Variants in GTF2A1L observed in about 807,000 individuals in gnomAD.
GTF2A1L encodes TFIIA-alpha and beta-like factor.
In GTF2A1L, 48 loss-of-function variants were observed where a neutral mutation model predicts 49.7. The ratio of observed to expected loss-of-function variants is 0.97; its 90% confidence interval spans 0.77 to 1.23. GTF2A1L has a LOEUF of 1.23. Ranked by LOEUF, GTF2A1L falls within the 50% of genes most tolerant of loss-of-function variation. The pLI is 0.00. For missense variants in GTF2A1L, 736 were observed against 564.8 expected (o/e 1.30, Z -3.07); for synonymous variants, 246 against 193.5 (o/e 1.27, Z -2.25).
intron 6 of GTF2A1L, among the ~76,000 whole-genome samples, chr2:48,651,065 C>A (rs1572739510): frequency 6.6e-6 from 1 of 152,194 alleles, no homozygotes; most frequent in East Asian, 1.9e-4. Flanking sequence ...AGACTGGAAG[C>A]TGGATTTGGC....
intron 3 of GTF2A1L, 132 bp from the exon 4 acceptor site, chr2:48,642,270 C>A: frequency 1.2e-6 from 1 of 841,232 alleles, no homozygotes; most frequent in Non-Finnish European, 1.7e-6. Context: ...CACTTGGAAT[C>A]AGGAAGTTTA....
intron 1 of GTF2A1L, among the ~76,000 whole-genome samples, chr2:48,619,548 A>C (rs1675860694): frequency 1.3e-5 from 2 of 152,084 alleles, no homozygotes; most frequent in Non-Finnish European, 2.9e-5. Context: ...AGGAGTATTT[A>C]TTTAGTACTC....
chr2:48,637,556 T>C (rs182696527), intron 3 of GTF2A1L, among the ~76,000 whole-genome samples: 1 of 151,740 alleles, frequency 6.6e-6, no homozygotes, highest in Non-Finnish European at 1.5e-5. Flanking sequence ...AACATCACAA[T>C]TGAAAGAATC....
rs1430996565 is a variant in GTF2A1L at position 48,626,536 on chromosome 2, C to T, written c.247+5246C>T. Among the ~76,000 whole-genome samples, 3 of 142,970 alleles carry T rather than the reference C, an allele frequency of 2.1e-5. 1 individual carries two copies. In the Admixed American group the frequency reaches 2.1e-4, roughly 10 times the overall value. 93.8% of individuals were successfully genotyped at this position (142,970 alleles called of 152,430 possible). ...GGGTATTTTCCCATTTATTTGTGTCCTTCAGTTTCTTATATCAATGTTTTA... is the reference window on the plus strand; with the variant it reads ...GGGTATTTTCCCATTTATTTGTGTCTTTCAGTTTCTTATATCAATGTTTTA... On this transcript the variant is annotated intron_variant, in intron 3 of 8. Transcript: ENST00000403751.
chr2:48,624,935 C>T (rs1185937758), intron 3 of GTF2A1L, among the ~76,000 whole-genome samples: 1 of 143,834 alleles, frequency 7.0e-6, no homozygotes, highest in East Asian at 1.9e-4. Flanking sequence ...TACAGACATA[C>T]CACAATTTCT....
At chr2:48,656,431 T>A (rs1191836517) in intron 6 of GTF2A1L, among the ~76,000 whole-genome samples, 1 of 151,646 alleles carries the variant, frequency 6.6e-6, no homozygotes, top group Non-Finnish European at 1.5e-5. Context: ...TTGATATGTA[T>A]TTCCCTAATA....
chr2:48,641,062 A>G (rs533616446), intron 3 of GTF2A1L, among the ~76,000 whole-genome samples: 4 of 152,274 alleles, frequency 2.6e-5, no homozygotes, highest in South Asian at 2.1e-4. Context: ...ATTTATTGCA[A>G]GGTACCTAAA....
chr2:48,641,545 T>C (rs539972368), intron 3 of GTF2A1L, among the ~76,000 whole-genome samples: 1 of 152,326 alleles, frequency 6.6e-6, no homozygotes, highest in Non-Finnish European at 1.5e-5. Flanking sequence ...TGTGTTTTTA[T>C]TAAAGATGAG....
intron 3 of GTF2A1L, among the ~76,000 whole-genome samples, chr2:48,635,705 A>G (rs549547831): frequency 2.0e-5 from 3 of 152,242 alleles, no homozygotes; most frequent in Non-Finnish European, 4.4e-5. Context: ...GCTCCAGAGC[A>G]GGTGCTTCAG....
chr2:48,647,703 C>A (rs1193319407), intron 6 of GTF2A1L, among the ~76,000 whole-genome samples: 1 of 151,854 alleles, frequency 6.6e-6, no homozygotes, highest in Non-Finnish European at 1.5e-5. Flanking sequence ...ACTAGTTTTA[C>A]TTAATTTCTT....
chr2:48,642,092 T>A (rs150379438), intron 3 of GTF2A1L, among the ~76,000 whole-genome samples: 1 of 152,328 alleles, frequency 6.6e-6, no homozygotes, highest in Non-Finnish European at 1.5e-5. Context: ...TAATAAATAT[T>A]TAATAAATAT....
intron 3 of GTF2A1L, among the ~76,000 whole-genome samples, chr2:48,636,183 C>G (rs1676876455): frequency 6.6e-6 from 1 of 152,186 alleles, no homozygotes; most frequent in Admixed American, 6.5e-5. Flanking sequence ...TGGAGGCCTG[C>G]TAACAGGCTT....
intron 4 of GTF2A1L, among the ~76,000 whole-genome samples, chr2:48,643,998 C>A (rs576802059): frequency 2.0e-5 from 3 of 151,614 alleles, no homozygotes; most frequent in African/African-American, 7.3e-5. Flanking sequence ...CGTGCCCGGC[C>A]TGTACAAAAT....
chr2:48,671,261 G>C (rs35540486), intron 7 of GTF2A1L, among the ~76,000 whole-genome samples: 26,218 of 152,086 alleles, frequency 0.17, 2,630 homozygotes, highest in South Asian at 0.24. Flanking sequence ...TGAGTGCAGT[G>C]GTGTGATCAC....
intron 3 of GTF2A1L, among the ~76,000 whole-genome samples, chr2:48,636,816 T>C (rs1169085730): frequency 6.6e-6 from 1 of 152,148 alleles, no homozygotes; most frequent in Non-Finnish European, 1.5e-5. Context: ...ACTGGGACTG[T>C]CCTGGGCAAA....
chr2:48,637,246 A>G (rs769031663), intron 3 of GTF2A1L, among the ~76,000 whole-genome samples: 1 of 152,226 alleles, frequency 6.6e-6, no homozygotes. Context: ...AGATCCAAGA[A>G]TCATAAAACT....
At chr2:48,665,976 G>T (rs955637251) in intron 6 of GTF2A1L, among the ~76,000 whole-genome samples, 3 of 151,982 alleles carry the variant, frequency 2.0e-5, no homozygotes, top group Non-Finnish European at 4.4e-5. Flanking sequence ...TTGAAGCTAT[G>T]TTTGTAGGTA....
intron 8 of GTF2A1L, among the ~76,000 whole-genome samples, chr2:48,678,388 A>C (rs1472054180): frequency 1.3e-5 from 2 of 151,074 alleles, no homozygotes; most frequent in East Asian, 1.9e-4. Flanking sequence ...GGACTTTAAA[A>C]CCCCCCCACA....
At chr2:48,640,325 A>G (rs949657306) in intron 3 of GTF2A1L, among the ~76,000 whole-genome samples, 3 of 152,232 alleles carry the variant, frequency 2.0e-5, no homozygotes, top group African/African-American at 7.2e-5. Flanking sequence ...GATAAAGGAA[A>G]TGTGGTACGT....
Sources: gnomAD v4.1 joint callset for allele counts (sites outside exome capture counted in the v4.1 genomes callset) on GRCh38, gnomAD v4.1.1 for gene constraint, MANE v1.5 for transcripts, NCBI Gene and HGNC (gene_info 2026-07-23, HGNC 2026-07-21) for gene names.